Variants in ZFHX4 observed in about 807,000 individuals in gnomAD.
ZFHX4 encodes the protein zinc finger homeobox 4, also known as zinc finger homeobox protein 4.
A neutral mutation model predicts 267.6 loss-of-function variants in ZFHX4; 56 were observed. The observed-to-expected ratio is 0.21, with a 90% confidence interval of 0.17 to 0.26. ZFHX4 has a LOEUF of 0.26. ZFHX4 is among the 10% of genes least tolerant of loss of function. The probability of loss-of-function intolerance (pLI) is 1.00; values close to 1 mark genes in which losing one functional copy is unlikely to be tolerated. For synonymous variants in ZFHX4, 1,778 were observed against 1,665.6 expected, an observed-to-expected ratio of 1.07 and a Z score of -1.64; for missense variants, 4,332 against 4,420.0, an observed-to-expected ratio of 0.98 and a Z score of 0.56.
chr8:76,689,566 G>T (rs187609850), intron 1 of ZFHX4, among the ~76,000 whole-genome samples: 2 of 152,196 alleles, frequency 1.3e-5, no homozygotes, highest in East Asian at 3.9e-4. Context: ...AAGACGAAAT[G>T]GGCTTTTAAT....
Position 76,681,538 on chromosome 8 carries a change from T to C in ZFHX4, c.-129T>C, listed in dbSNP as rs879781511. 2.0e-5 allele frequency: 8 copies of C among 398,480 alleles called. No individual in the cohort carries two copies. Among genetic ancestry groups the C allele is most frequent in the Non-Finnish European group, 3.1e-5 (7 of 226,058 alleles). 24.7% of individuals were successfully genotyped at this position (398,480 alleles called of 1,614,324 possible). A position where few individuals can be genotyped will look rare whatever the true frequency, so the allele number is the denominator to read the frequency against. On this transcript the variant is annotated 5_prime_UTR_variant, in exon 1 of 11. Transcript: ENST00000651372. ...TTTTTAATGAACCCTCTCGTTTTAC[T>C]TGGATGTGATCAGCTGTAAGTAAAA...
chr8:76,805,818 A>C (rs190529672), intron 4 of ZFHX4, among the ~76,000 whole-genome samples: 1 of 152,194 alleles, frequency 6.6e-6, no homozygotes, highest in Admixed American at 6.6e-5. Flanking sequence ...AAGTGATATG[A>C]AACCTTTCTG....
At chr8:76,681,743 C>G (rs1392138890) in intron 1 of ZFHX4, 123 bp downstream of exon 1, 1 of 329,548 alleles carries the variant, frequency 3.0e-6, no homozygotes, top group Non-Finnish European at 5.4e-6. Context: ...CCCTCTCCGC[C>G]TCTCTTCCTC....
intron 3 of ZFHX4, among the ~76,000 whole-genome samples, chr8:76,741,809 G>GGGAAAAGA (rs1408359246): frequency 1.6e-4 from 25 of 152,174 alleles, no homozygotes; most frequent in African/African-American, 4.8e-4. Flanking sequence ...GTATATTTTG[G>GGGAAAAGA]GGAAAAGAGT....
intron 3 of ZFHX4, among the ~76,000 whole-genome samples, chr8:76,738,324 TCA>T (rs1465000497): frequency 1.3e-5 from 2 of 152,154 alleles, no homozygotes; most frequent in Non-Finnish European, 2.9e-5. Flanking sequence ...GGATAAGTAC[TCA>T]CATCATTATT....
intron 1 of ZFHX4, among the ~76,000 whole-genome samples, chr8:76,695,166 T>A (rs1396278891): frequency 6.6e-6 from 1 of 152,132 alleles, no homozygotes; most frequent in African/African-American, 2.4e-5. Context: ...TCTGGAGACA[T>A]TCTCCAGGCT....
chr8:76,757,615 C>A (rs1027710314), intron 3 of ZFHX4, among the ~76,000 whole-genome samples: 3 of 152,164 alleles, frequency 2.0e-5, no homozygotes, highest in African/African-American at 7.2e-5. Flanking sequence ...ACACCCCAAC[C>A]GCTCTCCCTT....
intron 3 of ZFHX4, among the ~76,000 whole-genome samples, chr8:76,765,744 C>T (rs978876364): frequency 2.0e-5 from 3 of 151,970 alleles, no homozygotes; most frequent in South Asian, 2.1e-4. Flanking sequence ...GGCACAGTAC[C>T]GTTAGGTATG....
chr8:76,721,302 A>G (rs1407195647), intron 3 of ZFHX4, among the ~76,000 whole-genome samples: 2 of 152,174 alleles, frequency 1.3e-5, no homozygotes, highest in Non-Finnish European at 2.9e-5. Context: ...AATTTGCTAT[A>G]TTTGTAGGAA....
intron 3 of ZFHX4, among the ~76,000 whole-genome samples, chr8:76,755,352 G>T (rs764921451): frequency 6.6e-6 from 1 of 151,948 alleles, no homozygotes; most frequent in Non-Finnish European, 1.5e-5. Context: ...TATTAGTCTC[G>T]TGATTTTTGC....
intron 1 of ZFHX4, 71 bp downstream of exon 1, chr8:76,681,691 G>A (rs1199465499): frequency 2.7e-6 from 1 of 376,096 alleles, no homozygotes; most frequent in Non-Finnish European, 4.7e-6. Context: ...TATCTTTCCA[G>A]CCTGATCTTG....
At chr8:76,860,113 T>G (rs913846050) in intron 10 of ZFHX4, among the ~76,000 whole-genome samples, 1 of 152,138 alleles carries the variant, frequency 6.6e-6, no homozygotes, top group East Asian at 1.9e-4. Flanking sequence ...ACATCTCTAT[T>G]GCTGTTCAGC....
Position 76,841,294 on chromosome 8 carries a change from G to T in ZFHX4, c.3395-1361G>T, listed in dbSNP as rs2131912357. On this transcript the variant is annotated intron_variant, in intron 5 of 10. Coordinates refer to ENST00000651372, the MANE Select transcript of ZFHX4 (RefSeq NM_024721.5). ...TTGTAGAGCATGGCTGGCAAGTGAG[G>T]CACTAAATAGATTTTTTTTTGGTGC... Among the ~76,000 whole-genome samples the T allele has an allele frequency of 1.3e-5, 2 of 152,242 alleles. 1 individual carries two copies. Among genetic ancestry groups the T allele is most frequent in the South Asian group, 4.1e-4 (2 of 4,830 alleles).
rs185528282 is a variant in ZFHX4, at chr8:76,728,572, A to G, written c.3093+20524A>G. Among the ~76,000 whole-genome samples, 14 of 152,336 alleles carry G rather than the reference A, an allele frequency of 9.2e-5. No individual in the cohort carries two copies. The East Asian group carries it at 2.7e-3, about 29-fold the overall frequency. On this transcript the variant is annotated intron_variant, in intron 3 of 10. Coordinates refer to ENST00000651372, the MANE Select transcript of ZFHX4 (RefSeq NM_024721.5). ...TGGAAAGTCTGCCCCATGTTAATCA[A>G]GAGATGAAAGGAAGAGCATACACCC...
intron 1 of ZFHX4, among the ~76,000 whole-genome samples, chr8:76,700,239 G>C (rs1419210098): frequency 6.6e-6 from 1 of 151,968 alleles, no homozygotes; most frequent in East Asian, 1.9e-4. Context: ...ATGGCTAAAG[G>C]GCAGATGAGA....
intron 3 of ZFHX4, among the ~76,000 whole-genome samples, chr8:76,759,707 T>C (rs533591599): frequency 6.6e-6 from 1 of 152,350 alleles, no homozygotes; most frequent in Non-Finnish European, 1.5e-5. Flanking sequence ...CCTTTAGTCA[T>C]TTGAGTTTTA....
chr8:76,846,628 A>G (rs915586341), intron 6 of ZFHX4, among the ~76,000 whole-genome samples: 3 of 152,096 alleles, frequency 2.0e-5, no homozygotes, highest in Non-Finnish European at 4.4e-5. Context: ...AATAAAATAA[A>G]TATATTCTTA....
intron 4 of ZFHX4, chr8:76,782,100 A>ATTTTTT (rs77420241): frequency 1.3e-5 from 3 of 236,752 alleles, no homozygotes; most frequent in African/African-American, 3.4e-5. Context: ...TCAGTTAAGA[A>ATTTTTT]TTTTTTTTTT....
chr8:76,743,819 G>T (rs569314355), intron 3 of ZFHX4, among the ~76,000 whole-genome samples: 4 of 152,156 alleles, frequency 2.6e-5, no homozygotes, highest in African/African-American at 9.7e-5. Flanking sequence ...AACTTCCAAA[G>T]GCCAAGCCTA....
Sources: gnomAD v4.1 joint callset for allele counts (sites outside exome capture counted in the v4.1 genomes callset) on GRCh38, gnomAD v4.1.1 for gene constraint, MANE v1.5 for transcripts, NCBI Gene and HGNC (gene_info 2026-07-23, HGNC 2026-07-21) for gene names.